Variants in ARMC3 observed in about 807,000 individuals in gnomAD.
ARMC3 encodes the protein armadillo repeat containing 3, also known as armadillo repeat-containing protein 3.
Under a neutral mutation model 90.3 loss-of-function variants are expected in ARMC3, and 74 were observed. The observed-to-expected ratio is 0.82, with a 90% CI of 0.68 to 0.99. The LOEUF is 0.99. Ranked by LOEUF, ARMC3 falls within the 50% of genes least tolerant of loss-of-function variation. The pLI, the probability that ARMC3 is intolerant of heterozygous loss-of-function variation, is 0.00. For missense variants in ARMC3, 958 were observed against 1,042.8 expected (o/e 0.92, Z 1.12); for synonymous variants, 334 against 361.8 (o/e 0.92, Z 0.87).
intron 8 of ARMC3, among the ~76,000 whole-genome samples, chr10:22,975,712 A>G (rs115506221): frequency 2.8e-4 from 43 of 152,244 alleles, no homozygotes; most frequent in African/African-American, 9.6e-4. Context: ...AAATATGTCT[A>G]AGTCCCCCTC....
Position 22,968,408 on chromosome 10 carries a change from C to T in ARMC3, c.835C>T (p.Leu279Phe), listed in dbSNP as rs748915558. The T allele has an allele frequency of 5.6e-6, 9 of 1,613,060 alleles. No homozygotes were observed. The African/African-American group carries it at 6.7e-5, about 12-fold the overall frequency. ...TCAGCAGACAGGGGGTCTTAAAAAG[C>T]TCCTGTCATTTGCAGAAAACTCTAC... ...QIQQTGGLKK[L>F]LSFAENSTIP... The change falls in exon 8 of 19, where the codon CTC (leucine) becomes TTC (phenylalanine). Residue 279 changes from leucine (L) to phenylalanine (F), a missense_variant. By Grantham distance (22) the Leu-to-Phe change is conservative. Coordinates refer to ENST00000298032, the MANE Select transcript of ARMC3 (RefSeq NM_173081.5).
chr10:22,964,874 A>G lies in ARMC3; in HGVS notation c.732+2796A>G, dbSNP rs1046503158. ...ACGCAACTTAACTTTAACTTATAAT[A>G]GTCTAGAGTTAATATTGAACTACTT... is the stretch of plus-strand genomic sequence containing the variant. On this transcript the variant is annotated intron_variant, in intron 7 of 18. Transcript: ENST00000298032. Among the ~76,000 whole-genome samples, 19 of 152,008 alleles carry G rather than the reference A, an allele frequency of 1.2e-4. 1 individual carries two copies. Among genetic ancestry groups the G allele is most frequent in the Non-Finnish European group, 5.9e-5 (4 of 68,008 alleles).
rs750570551 is a variant in ARMC3 at position 22,998,367 on chromosome 10, AACTGCGT to A, written c.1396_1402del (p.Thr466ValfsTer9). 1 of 1,614,142 alleles carries A rather than the reference AACTGCGT, an allele frequency of 6.2e-7. No individual in the cohort carries two copies. Among genetic ancestry groups the A allele is most frequent in the East Asian group, 2.2e-5 (1 of 44,880 alleles). On this transcript the variant is annotated frameshift_variant, in exon 11 of 19. Coordinates refer to ENST00000298032, the MANE Select transcript of ARMC3 (RefSeq NM_173081.5). LOFTEE classifies it high-confidence loss of function. ...GCAAAGCTGCTCTCGCTGTCACCGCAACTGCGTGTGACGTTGAAGCCCGGACTGAGGT... is the reference window on the plus strand; with the variant it reads ...GCAAAGCTGCTCTCGCTGTCACCGCAGTGACGTTGAAGCCCGGACTGAGGT...
At chr10:23,013,890 A>G (rs1166541355) in intron 16 of ARMC3, among the ~76,000 whole-genome samples, 1 of 152,120 alleles carries the variant, frequency 6.6e-6, no homozygotes, top group Non-Finnish European at 1.5e-5. Context: ...AGAGCCTAGA[A>G]TAGTATCAGG....
chr10:22,951,696 A>C (rs1834745550), intron 3 of ARMC3, among the ~76,000 whole-genome samples: 1 of 152,246 alleles, frequency 6.6e-6, no homozygotes, highest in African/African-American at 2.4e-5. Context: ...AATCAAAACA[A>C]AAATCAGAAT....
intron 8 of ARMC3, among the ~76,000 whole-genome samples, chr10:22,976,138 T>A (rs1334572137): frequency 6.6e-6 from 1 of 152,230 alleles, no homozygotes; most frequent in African/African-American, 2.4e-5. Flanking sequence ...GAAGGTGATA[T>A]AAGTTCAGAG....
At chr10:23,027,320 C>G (rs1838748690) in intron 16 of ARMC3, among the ~76,000 whole-genome samples, 3 of 152,114 alleles carry the variant, frequency 2.0e-5, no homozygotes, top group African/African-American at 7.2e-5. Flanking sequence ...TAATATTCAG[C>G]ACATAGATCA....
intron 4 of ARMC3, 149 bp from the exon 5 acceptor site, chr10:22,958,921 C>G: frequency 1.7e-6 from 1 of 580,390 alleles, no homozygotes; most frequent in South Asian, 2.2e-5. Context: ...AGGGGTTTCA[C>G]CATGTTGGCT....
intron 7 of ARMC3, among the ~76,000 whole-genome samples, chr10:22,965,064 T>C (rs1835389845): frequency 6.6e-6 from 1 of 152,204 alleles, no homozygotes; most frequent in Non-Finnish European, 1.5e-5. Flanking sequence ...GAATTATATG[T>C]TCATATGTGT....
intron 18 of ARMC3, among the ~76,000 whole-genome samples, chr10:23,035,980 T>C (rs905077178): frequency 1.7e-4 from 26 of 152,128 alleles, no homozygotes. Flanking sequence ...CATTAAAAAC[T>C]CAGACTCCAG....
intron 6 of ARMC3, chr10:22,960,091 C>T: frequency 3.3e-6 from 1 of 305,388 alleles, no homozygotes; most frequent in South Asian, 2.9e-5. Context: ...AAAGAAACTG[C>T]CAACCTTCCC....
intron 18 of ARMC3, among the ~76,000 whole-genome samples, chr10:23,035,676 C>T (rs1839100920): frequency 2.0e-5 from 3 of 152,082 alleles, no homozygotes; most frequent in African/African-American, 7.2e-5. Context: ...CATTCCCTCT[C>T]CTCCCATCCT....
intron 16 of ARMC3, among the ~76,000 whole-genome samples, chr10:23,014,889 C>CAAA (rs779670823): frequency 3.0e-4 from 19 of 63,032 alleles, no homozygotes; most frequent in South Asian, 1.2e-3. Context: ...ATAATCTGTA[C>CAAA]AAAAAAAAAA....
In ARMC3 at chr10:23,030,626, A is replaced by G. The variant is rs1378644552; in HGVS notation, c.2076A>G (p.Lys692=). 2 of 1,613,448 alleles carry G rather than the reference A, an allele frequency of 1.2e-6. No individual in the cohort carries two copies. Among genetic ancestry groups the G allele is most frequent in the South Asian group, 1.1e-5 (1 of 91,052 alleles). Reference sequence around the variant, plus strand: ...GCAAAGGAAAAAAAGAAGAGGAAAAAGTGAAAGAGGAGGAAGAGGTTATGG... The same window carrying G: ...GCAAAGGAAAAAAAGAAGAGGAAAAGGTGAAAGAGGAGGAAGAGGTTATGG... ...RKSKGKKEEE[K]VKEEEEVMVV... Residue 692 remains lysine, a synonymous_variant, in exon 17 of 19, where the codon AAA becomes AAG. Transcript: ENST00000298032.
At chr10:22,952,210 A>G (rs965960660) in intron 3 of ARMC3, among the ~76,000 whole-genome samples, 1 of 152,198 alleles carries the variant, frequency 6.6e-6, no homozygotes, top group Non-Finnish European at 1.5e-5. Context: ...GTATAAATCA[A>G]TGAAATAGAA....
intron 16 of ARMC3, among the ~76,000 whole-genome samples, chr10:23,028,576 G>C (rs184105495): frequency 2.0e-5 from 3 of 152,242 alleles, no homozygotes; most frequent in Admixed American, 6.5e-5. Flanking sequence ...TACATTCTAA[G>C]AATATTCCTT....
At chr10:22,983,907 C>A (rs1003993815) in intron 10 of ARMC3, among the ~76,000 whole-genome samples, 1 of 152,184 alleles carries the variant, frequency 6.6e-6, no homozygotes, top group African/African-American at 2.4e-5. Context: ...AAATTGTTAG[C>A]TTAAACTCAG....
chr10:22,973,277 TAACTGAGC>T (rs1321747227), intron 8 of ARMC3, among the ~76,000 whole-genome samples: 1 of 148,674 alleles, frequency 6.7e-6, no homozygotes, highest in Non-Finnish European at 1.5e-5. Flanking sequence ...CCAGCCTGGG[TAACTGAGC>T]AAGACCCTTA....
intron 18 of ARMC3, among the ~76,000 whole-genome samples, chr10:23,033,696 C>T (rs1839012352): frequency 6.6e-6 from 1 of 152,116 alleles, no homozygotes; most frequent in Non-Finnish European, 1.5e-5. Flanking sequence ...CATTTTGAAC[C>T]ACTGTTCAGG....
Sources: gnomAD v4.1 joint callset for allele counts (sites outside exome capture counted in the v4.1 genomes callset) on GRCh38, gnomAD v4.1.1 for gene constraint, MANE v1.5 for transcripts, NCBI Gene and HGNC (gene_info 2026-07-23, HGNC 2026-07-21) for gene names.